NOL4: variants seen among roughly 807,000 people sequenced by gnomAD.
The protein encoded by NOL4 is cancer/testis antigen 125.
Under a neutral mutation model 75.9 loss-of-function variants are expected in NOL4, and 17 were observed. That is an observed-to-expected ratio of 0.22 (90% confidence interval 0.15 to 0.34). The LOEUF is 0.34. NOL4 is among the 10% of genes least tolerant of loss of function. NOL4 has a pLI of 1.00. For synonymous variants in NOL4, 292 were observed against 289.9 expected (o/e 1.01, Z -0.07); for missense variants, 614 against 793.5 (o/e 0.77, Z 2.72).
chr18:34,077,517 T>C (rs2077803559), intron 5 of NOL4, among the ~76,000 whole-genome samples: 1 of 152,040 alleles, frequency 6.6e-6, no homozygotes, highest in Admixed American at 6.6e-5. Context: ...GTATACATAT[T>C]TAAAGTACTT....
chr18:33,890,410 G>C (rs1285546205), intron 9 of NOL4, among the ~76,000 whole-genome samples: 1 of 152,070 alleles, frequency 6.6e-6, no homozygotes, highest in African/African-American at 2.4e-5. Flanking sequence ...CCATGCTCAT[G>C]GATACGAAGA....
At chr18:33,884,692 A>T (rs2064529296) in intron 9 of NOL4, among the ~76,000 whole-genome samples, 1 of 151,956 alleles carries the variant, frequency 6.6e-6, no homozygotes, top group Non-Finnish European at 1.5e-5. Flanking sequence ...TTTTGTCACA[A>T]TCAGAAGTAT....
chr18:34,167,727 C>A (rs2032560890), intron 1 of NOL4, among the ~76,000 whole-genome samples: 1 of 151,932 alleles, frequency 6.6e-6, no homozygotes, highest in African/African-American at 2.4e-5. Context: ...TAACAGAAAA[C>A]TAGAGCAGAG....
chr18:33,941,755 G>C (rs1222403965), intron 9 of NOL4, among the ~76,000 whole-genome samples: 1 of 151,798 alleles, frequency 6.6e-6, no homozygotes, highest in Non-Finnish European at 1.5e-5. Context: ...AATTAGAAAA[G>C]GTAGAGATGA....
intron 9 of NOL4, among the ~76,000 whole-genome samples, chr18:33,928,545 G>C (rs1024221744): frequency 2.6e-5 from 4 of 151,992 alleles, no homozygotes; most frequent in Non-Finnish European, 5.9e-5. Context: ...TCCATGACGA[G>C]GGAAGCCATC....
intron 5 of NOL4, among the ~76,000 whole-genome samples, chr18:34,052,032 G>A (rs190348781): frequency 7.9e-5 from 12 of 152,048 alleles, no homozygotes; most frequent in Non-Finnish European, 8.8e-5. Context: ...TTCACAGAGG[G>A]AGTAGTAAAA....
At chr18:33,972,740 G>A (rs1363488971) in intron 6 of NOL4, among the ~76,000 whole-genome samples, 2 of 152,224 alleles carry the variant, frequency 1.3e-5, no homozygotes, top group Non-Finnish European at 2.9e-5. Flanking sequence ...TATGTTTACA[G>A]TATACTGTAG....
intron 1 of NOL4, among the ~76,000 whole-genome samples, chr18:34,169,452 G>C (rs1369350564): frequency 7.0e-6 from 1 of 142,318 alleles, no homozygotes; most frequent in East Asian, 2.0e-4. Flanking sequence ...ACAAATAACA[G>C]ATTGGGCAAA....
chr18:33,934,594 T>C (rs1027341595), intron 9 of NOL4, among the ~76,000 whole-genome samples: 3 of 152,174 alleles, frequency 2.0e-5, no homozygotes, highest in Non-Finnish European at 2.9e-5. Context: ...GCTGCCTCCC[T>C]TTCCATGTTT....
intron 9 of NOL4, among the ~76,000 whole-genome samples, chr18:33,909,222 T>G (rs1413366800): frequency 6.6e-6 from 1 of 152,134 alleles, no homozygotes; most frequent in East Asian, 1.9e-4. Context: ...CATGTTAAGT[T>G]TTGGTAGAAA....
At chr18:33,943,268 C>T (rs2068618891) in intron 8 of NOL4, 90 bp from the exon 9 acceptor site, 1 of 770,774 alleles carries the variant, frequency 1.3e-6, no homozygotes, top group Non-Finnish European at 2.2e-6. Flanking sequence ...TCAGGATCAT[C>T]AACATGTGCA....
At chr18:34,208,114 T>C (rs2036250682) in intron 1 of NOL4, among the ~76,000 whole-genome samples, 1 of 152,152 alleles carries the variant, frequency 6.6e-6, no homozygotes, top group Non-Finnish European at 1.5e-5. Flanking sequence ...TTAGATTAAA[T>C]CCAGTAGATG....
intron 6 of NOL4, among the ~76,000 whole-genome samples, chr18:33,982,742 ATTTTTTTTTTTTTTT>A (rs953221382): frequency 9.5e-6 from 1 of 104,914 alleles, no homozygotes; most frequent in African/African-American, 3.5e-5. Flanking sequence ...AGACAATGGG[ATTTTTTTTTTTTTTT>A]TTTTTTTTTT....
chr18:34,179,987 GA>G (rs533751455), intron 1 of NOL4, among the ~76,000 whole-genome samples: 174 of 147,490 alleles, frequency 1.2e-3, no homozygotes, highest in African/African-American at 2.7e-3. Context: ...TAAACAGATT[GA>G]AAAAAAAAAT....
intron 8 of NOL4, among the ~76,000 whole-genome samples, chr18:33,955,382 C>T (rs948778819): frequency 1.3e-5 from 2 of 151,874 alleles, no homozygotes; most frequent in African/African-American, 4.8e-5. Context: ...AGCAAATGAT[C>T]GAAAAGTTAA....
At chr18:33,887,426 T>G (rs1231285590) in intron 9 of NOL4, among the ~76,000 whole-genome samples, 1 of 151,770 alleles carries the variant, frequency 6.6e-6, no homozygotes, top group African/African-American at 2.4e-5. Context: ...GAGTTTTTTT[T>G]TTTTTTAATT....
chr18:34,155,843 G>T (rs911360676), intron 1 of NOL4, among the ~76,000 whole-genome samples: 6 of 151,958 alleles, frequency 3.9e-5, no homozygotes, highest in African/African-American at 1.2e-4. Flanking sequence ...CAGCTTAAAG[G>T]TATTCTATTA....
intron 6 of NOL4, among the ~76,000 whole-genome samples, chr18:33,988,234 TA>T (rs2072619763): frequency 1.3e-5 from 2 of 152,044 alleles, no homozygotes; most frequent in African/African-American, 4.8e-5. Flanking sequence ...GCCAGAGAAG[TA>T]AAATGCCTAC....
chr18:33,938,299 TAA>T (rs2068203613), intron 9 of NOL4, among the ~76,000 whole-genome samples: 1 of 152,072 alleles, frequency 6.6e-6, no homozygotes, highest in Non-Finnish European at 1.5e-5. Flanking sequence ...TAGTAAATCT[TAA>T]AAGAGTTTAA....
Sources: gnomAD v4.1 joint callset for allele counts (sites outside exome capture counted in the v4.1 genomes callset) on GRCh38, gnomAD v4.1.1 for gene constraint, MANE v1.5 for transcripts, NCBI Gene and HGNC (gene_info 2026-07-23, HGNC 2026-07-21) for gene names.